The following TNIK variants were observed in gnomAD, a reference collection of about 807,000 sequenced individuals.
The protein encoded by TNIK is TRAF2 and NCK-interacting protein kinase.
A neutral mutation model predicts 191.3 loss-of-function variants in TNIK; 49 were observed. The ratio of observed to expected loss-of-function variants is 0.26; its 90% CI spans 0.20 to 0.32. The LOEUF (loss-of-function observed/expected upper bound fraction) is 0.32, where lower values mean the gene tolerates loss of function less well. TNIK is among the 10% of genes least tolerant of loss of function. The pLI is 1.00. For synonymous variants in TNIK, 594 were observed against 600.9 expected (o/e 0.99, Z 0.17); for missense variants, 1,155 against 1,702.3 (o/e 0.68, Z 5.66).
At chr3:171,246,955 C>A (rs1745658938) in intron 2 of TNIK, among the ~76,000 whole-genome samples, 1 of 152,130 alleles carries the variant, frequency 6.6e-6, no homozygotes, top group East Asian at 1.9e-4. Flanking sequence ...GGGGGGAAGA[C>A]AAGGAAGGAC....
chr3:171,365,158 A>ATTTTT (rs1715515509), intron 2 of TNIK, among the ~76,000 whole-genome samples: 6 of 51,622 alleles, frequency 1.2e-4, no homozygotes, highest in Non-Finnish European at 2.0e-4. Context: ...AAAGGACTAC[A>ATTTTT]TTCTTTTTTT....
At chr3:171,336,732 AC>A (rs1441081457) in intron 2 of TNIK, among the ~76,000 whole-genome samples, 3 of 152,186 alleles carry the variant, frequency 2.0e-5, no homozygotes, top group Non-Finnish European at 4.4e-5. Context: ...GTACTTACCA[AC>A]CAACAGTGAT....
intron 18 of TNIK, among the ~76,000 whole-genome samples, chr3:171,115,779 C>T (rs984687805): frequency 6.6e-6 from 1 of 152,286 alleles, no homozygotes; most frequent in Middle Eastern, 3.4e-3. Context: ...TACACGTGAA[C>T]GACTGACCAG....
intron 12 of TNIK, among the ~76,000 whole-genome samples, chr3:171,156,993 G>A (rs1043824083): frequency 7.2e-5 from 11 of 152,136 alleles, no homozygotes; most frequent in South Asian, 2.1e-4. Flanking sequence ...AGGCACCTAC[G>A]ACATGCTAGA....
chr3:171,327,963 A>G (rs1157487392), intron 2 of TNIK, among the ~76,000 whole-genome samples: 7 of 147,256 alleles, frequency 4.8e-5, no homozygotes, highest in Non-Finnish European at 1.0e-4. Flanking sequence ...CCTGAACCCT[A>G]TTTCAGACCT....
At chr3:171,202,985 A>G (rs1177213108) in intron 4 of TNIK, among the ~76,000 whole-genome samples, 1 of 152,234 alleles carries the variant, frequency 6.6e-6, no homozygotes, top group African/African-American at 2.4e-5. Context: ...AACAAACACT[A>G]ATCAAAACAA....
At chr3:171,072,204 G>A (rs886176603) in intron 28 of TNIK, among the ~76,000 whole-genome samples, 4 of 152,020 alleles carry the variant, frequency 2.6e-5, no homozygotes, top group African/African-American at 4.8e-5. Context: ...ATCCACAGTT[G>A]GTACACATGG....
intron 2 of TNIK, among the ~76,000 whole-genome samples, chr3:171,323,714 A>ATCTG (rs1221713306): frequency 2.6e-4 from 40 of 152,298 alleles, no homozygotes; most frequent in African/African-American, 7.7e-4. Context: ...AATTCTTTAA[A>ATCTG]AATAAACAGT....
chr3:171,282,347 T>TTTTTTTTTTTTTTTTTTG (rs1750551128), intron 2 of TNIK, among the ~76,000 whole-genome samples: 1 of 143,998 alleles, frequency 6.9e-6, no homozygotes, highest in Non-Finnish European at 1.5e-5. Flanking sequence ...TTTTGTTTTT[T>TTTTTTTTTTTTTTTTTTG]TTTTTTTTTT....
intron 7 of TNIK, among the ~76,000 whole-genome samples, chr3:171,179,483 G>T (rs1197410803): frequency 1.3e-5 from 2 of 151,370 alleles, no homozygotes; most frequent in African/African-American, 4.9e-5. Context: ...ACGGAGTCTC[G>T]CTCTGTCGCC....
At chr3:171,381,935 T>G (rs1171570545) in intron 1 of TNIK, among the ~76,000 whole-genome samples, 2 of 152,210 alleles carry the variant, frequency 1.3e-5, no homozygotes, top group Non-Finnish European at 2.9e-5. Flanking sequence ...AATAAAATGA[T>G]CCTATGGTTC....
intron 2 of TNIK, among the ~76,000 whole-genome samples, chr3:171,284,041 C>T (rs546864930): frequency 3.7e-4 from 57 of 152,286 alleles, no homozygotes; most frequent in African/African-American, 1.3e-3. Context: ...CCCTGAGAAA[C>T]ATCAGCATCA....
chr3:171,212,406 A>T (rs1315384339), intron 3 of TNIK, among the ~76,000 whole-genome samples: 1 of 152,016 alleles, frequency 6.6e-6, no homozygotes, highest in East Asian at 1.9e-4. Flanking sequence ...ACTCCTTCAC[A>T]TACCTGCTGT....
intron 2 of TNIK, among the ~76,000 whole-genome samples, chr3:171,253,589 T>TCCCCCCCCCCCCCCCCCCCCCCC (rs67388870): frequency 8.2e-6 from 1 of 121,540 alleles, no homozygotes; most frequent in Non-Finnish European, 1.7e-5. Flanking sequence ...AGAAGACAGG[T>TCCCCCCCCCCCCCCCCCCCCCCC]CCCCCCCCCA....
intron 18 of TNIK, among the ~76,000 whole-genome samples, chr3:171,122,467 G>A (rs1323901059): frequency 2.0e-5 from 3 of 152,136 alleles, no homozygotes; most frequent in Admixed American, 1.3e-4. Context: ...GAAAAAAAAT[G>A]GCTCATTCAG....
At chr3:171,313,229 C>T (rs1754243428) in intron 2 of TNIK, among the ~76,000 whole-genome samples, 1 of 150,150 alleles carries the variant, frequency 6.7e-6, no homozygotes, top group African/African-American at 2.4e-5. Context: ...ATACTCTCTA[C>T]CAACATTTAG....
At chr3:171,118,450 T>C (rs1384023430) in intron 18 of TNIK, among the ~76,000 whole-genome samples, 12 of 152,240 alleles carry the variant, frequency 7.9e-5, no homozygotes, top group Middle Eastern at 3.4e-3. Flanking sequence ...TTAAAGTTCA[T>C]ATGGAACCAA....
intron 15 of TNIK, among the ~76,000 whole-genome samples, chr3:171,133,865 T>G (rs1285081174): frequency 6.6e-6 from 1 of 152,162 alleles, no homozygotes; most frequent in African/African-American, 2.4e-5. Context: ...AATAAAGAGA[T>G]ATTTTGGCCC....
intron 15 of TNIK, among the ~76,000 whole-genome samples, chr3:171,136,832 G>A (rs185109207): frequency 6.6e-6 from 1 of 152,294 alleles, no homozygotes; most frequent in African/African-American, 2.4e-5. Context: ...AGAACAGGTG[G>A]ATTATTAAGG....
Sources: allele counts gnomAD v4.1 joint callset (sites outside exome capture counted in the v4.1 genomes callset), GRCh38; gene constraint gnomAD v4.1.1; transcripts MANE v1.5; gene names NCBI Gene and HGNC (gene_info 2026-07-23, HGNC 2026-07-21).